The following CDH2 variants were observed in gnomAD, a reference collection of about 807,000 sequenced individuals.
CDH2 encodes the protein cadherin-2.
In CDH2, 17 loss-of-function variants were observed where a neutral mutation model predicts 92.0. The observed-to-expected ratio is 0.18, with a 90% CI of 0.13 to 0.28. CDH2 has a LOEUF of 0.28. CDH2 is among the 10% of genes least tolerant of loss of function. The pLI, the probability that CDH2 is intolerant of heterozygous loss-of-function variation, is 1.00. For synonymous variants in CDH2, 419 were observed against 415.9 expected (o/e 1.01, Z -0.09); for missense variants, 862 against 1,133.1 (o/e 0.76, Z 3.44).
At position 28,083,707 on chromosome 18, in the gene CDH2, T is replaced by C. The variant is rs906219334; in HGVS notation, c.172+63966A>G. Among the ~76,000 whole-genome samples the C allele has an allele frequency of 2.0e-5, 3 of 152,306 alleles. No homozygotes were observed. In the East Asian group the frequency reaches 5.8e-4, roughly 29 times the overall value. ...TATGCTCTTTCGATCATAAAAGGTA[T>C]GATGGATTTTAAGGTCGATTGAAAA... On this transcript the variant is annotated intron_variant, in intron 2 of 15. Transcript: ENST00000269141.
intron 2 of CDH2, among the ~76,000 whole-genome samples, chr18:28,077,615 G>A (rs1488310753): frequency 1.3e-5 from 2 of 152,186 alleles, no homozygotes; most frequent in African/African-American, 4.8e-5. Flanking sequence ...TGAGGGCCAG[G>A]CACAGTGGCT....
intron 15 of CDH2, among the ~76,000 whole-genome samples, chr18:27,957,083 T>C (rs1178317929): frequency 6.6e-6 from 1 of 152,050 alleles, no homozygotes; most frequent in East Asian, 1.9e-4. Flanking sequence ...TTATTCATTT[T>C]TTTTAGAATT....
chr18:27,963,598 A>G, intron 14 of CDH2, 77 bp from the exon 15 acceptor site: 1 of 1,345,344 alleles, frequency 7.4e-7, no homozygotes, highest in Non-Finnish European at 1.1e-6. Context: ...TTTTAAGCAC[A>G]TACTCAGAAC....
intron 2 of CDH2, among the ~76,000 whole-genome samples, chr18:28,131,653 GA>G (rs2144294703): frequency 6.6e-6 from 1 of 150,830 alleles, no homozygotes; most frequent in African/African-American, 2.4e-5. Context: ...AAGGATAAAA[GA>G]GAGAAGATAC....
chr18:28,069,126 AC>A (rs1315807197), intron 2 of CDH2, among the ~76,000 whole-genome samples: 1 of 152,160 alleles, frequency 6.6e-6, no homozygotes, highest in Non-Finnish European at 1.5e-5. Context: ...ATTATAGTAA[AC>A]TTGACAAAGT....
intron 2 of CDH2, among the ~76,000 whole-genome samples, chr18:28,044,527 T>A (rs1204206393): frequency 5.9e-5 from 9 of 152,198 alleles, no homozygotes; most frequent in African/African-American, 1.9e-4. Flanking sequence ...ATTAAGACTA[T>A]AAATATTCCA....
At chr18:27,991,195 A>G (rs2012403266) in intron 9 of CDH2, among the ~76,000 whole-genome samples, 1 of 152,182 alleles carries the variant, frequency 6.6e-6, no homozygotes, top group Non-Finnish European at 1.5e-5. Flanking sequence ...CTGCGAATGG[A>G]TGTGCAAATA....
intron 2 of CDH2, among the ~76,000 whole-genome samples, chr18:28,089,718 AT>A (rs1187713396): frequency 6.6e-6 from 1 of 152,204 alleles, no homozygotes; most frequent in African/African-American, 2.4e-5. Context: ...TTAAAACAAG[AT>A]TAAAGAAAGT....
At chr18:27,995,040 C>T (rs1191735313) in intron 7 of CDH2, among the ~76,000 whole-genome samples, 4 of 152,032 alleles carry the variant, frequency 2.6e-5, no homozygotes, top group African/African-American at 9.7e-5. Flanking sequence ...GGGCTAGGTG[C>T]GGTGGCTCAC....
chr18:28,079,825 C>T (rs188206219), intron 2 of CDH2, among the ~76,000 whole-genome samples: 14 of 152,172 alleles, frequency 9.2e-5, no homozygotes, highest in Non-Finnish European at 1.6e-4. Flanking sequence ...TCCACCCCCC[C>T]TCAGAAAACG....
chr18:28,047,637 G>A (rs2014103280), intron 2 of CDH2, among the ~76,000 whole-genome samples: 1 of 152,218 alleles, frequency 6.6e-6, no homozygotes, highest in South Asian at 2.1e-4. Context: ...GGGAGGCCGA[G>A]GTGGGTGGAT....
At chr18:27,963,333 G>A in intron 15 of CDH2, 24 bp downstream of exon 15, 3 of 1,611,426 alleles carry the variant, frequency 1.9e-6, no homozygotes, top group African/African-American at 1.3e-5. Context: ...AACTCTTATA[G>A]AGAAAACGAG....
At chr18:27,963,857 C>T (rs1301614895) in intron 14 of CDH2, among the ~76,000 whole-genome samples, 1 of 152,084 alleles carries the variant, frequency 6.6e-6, no homozygotes, top group African/African-American at 2.4e-5. Flanking sequence ...AAGGTGCTAA[C>T]TTCATGTCTT....
intron 2 of CDH2, among the ~76,000 whole-genome samples, chr18:28,095,361 G>A (rs141880641): frequency 1.5e-4 from 23 of 152,178 alleles, no homozygotes; most frequent in African/African-American, 5.1e-4. Context: ...TGGGAGAATT[G>A]CTTGAGGTCA....
Position 27,993,647 on chromosome 18 carries a change from CAT to C in CDH2, c.1021-12_1021-11del. 1 of 1,598,588 alleles carries C rather than the reference CAT, an allele frequency of 6.3e-7. No individual in the cohort carries two copies. The highest frequency in any genetic ancestry group is 8.6e-7 in the Non-Finnish European group (1 of 1,168,234). On this transcript the variant is annotated splice_polypyrimidine_tract_variant and intron_variant, in intron 7 of 15. Coordinates refer to ENST00000269141, the MANE Select transcript of CDH2 (RefSeq NM_001792.5). ...TATACTGTTGCACTTTCTAAAAAGA[CAT>C]AAAGATAAGAACTTAAATGAAACTA...
At chr18:27,941,033 C>CTTTT (rs59212895) in intron 6 of CDH2, among the ~76,000 whole-genome samples, 4 of 124,588 alleles carry the variant, frequency 3.2e-5, no homozygotes, top group Non-Finnish European at 3.3e-5. Context: ...TAAGTAGCAC[C>CTTTT]TTTTTTTTTT....
intron 2 of CDH2, among the ~76,000 whole-genome samples, chr18:28,051,009 C>T (rs760822765): frequency 1.3e-5 from 2 of 152,140 alleles, no homozygotes; most frequent in Non-Finnish European, 2.9e-5. Context: ...ATCCATGTTA[C>T]CAACTGAAAA....
chr18:28,087,756 A>AAAAAC (rs759262758), intron 2 of CDH2, among the ~76,000 whole-genome samples: 1 of 152,102 alleles, frequency 6.6e-6, no homozygotes, highest in East Asian at 1.9e-4. Flanking sequence ...CACTCAAAAG[A>AAAAAC]AAAACAAAAC....
At chr18:27,961,903 C>A (rs1214097456) in intron 15 of CDH2, among the ~76,000 whole-genome samples, 2 of 151,954 alleles carry the variant, frequency 1.3e-5, no homozygotes, top group African/African-American at 4.8e-5. Context: ...AATTCAAGAC[C>A]AGCCTGGGAA....
Sources: gnomAD v4.1 joint callset for allele counts (sites outside exome capture counted in the v4.1 genomes callset) on GRCh38, gnomAD v4.1.1 for gene constraint, MANE v1.5 for transcripts, NCBI Gene and HGNC (gene_info 2026-07-23, HGNC 2026-07-21) for gene names.